The following RAP1GAP2 variants were observed in gnomAD, a reference collection of about 807,000 sequenced individuals.
RAP1GAP2 encodes rap1 GTPase-activating protein 2.
In RAP1GAP2, 27 loss-of-function variants were observed where a neutral mutation model predicts 95.0. That is an observed-to-expected ratio of 0.28 (90% CI 0.21 to 0.39). The LOEUF is 0.39. Among genes scored for constraint, RAP1GAP2 ranks in the 10% least tolerant of loss-of-function variants. RAP1GAP2 has a pLI of 1.00. For synonymous variants in RAP1GAP2, 373 were observed against 380.9 expected (o/e 0.98, Z 0.24); for missense variants, 771 against 970.0 (o/e 0.79, Z 2.72).
chr17:2,931,280 TTGTGTGTGTGTGTGTGTG>T (rs34690298), intron 3 of RAP1GAP2, among the ~76,000 whole-genome samples: 1 of 146,756 alleles, frequency 6.8e-6, no homozygotes, highest in Non-Finnish European at 1.5e-5. Flanking sequence ...TGAGTGTTTC[TTGTGTGTGTGTGTGTGTG>T]TGTGTGTGTG....
At chr17:2,989,444 C>T (rs1355304268) in intron 11 of RAP1GAP2, among the ~76,000 whole-genome samples, 1 of 152,024 alleles carries the variant, frequency 6.6e-6, no homozygotes, top group Non-Finnish European at 1.5e-5. Context: ...GCGATTCTCC[C>T]ACCTCAGCCT....
At chr17:2,988,444 T>C (rs1458964724) in intron 11 of RAP1GAP2, among the ~76,000 whole-genome samples, 1 of 152,226 alleles carries the variant, frequency 6.6e-6, no homozygotes, top group African/African-American at 2.4e-5. Flanking sequence ...AACATTGTTA[T>C]TTCAAAAATG....
At position 2,980,383 on chromosome 17, in the gene RAP1GAP2, G is replaced by A; in HGVS notation, c.675+18G>A. 1 of 1,611,846 alleles carries A rather than the reference G, an allele frequency of 6.2e-7. No individual in the cohort carries two copies. The highest frequency in any genetic ancestry group is 8.5e-7 in the Non-Finnish European group (1 of 1,178,016). On this transcript the variant is annotated intron_variant, in intron 9 of 24. Transcript: ENST00000254695. ...TTGCAAAGGTGAGAAACCAACCCGT[G>A]AGAGATGGTGGCTTCCTCTCTCAGC...
intron 3 of RAP1GAP2, among the ~76,000 whole-genome samples, chr17:2,957,359 C>T (rs542881054): frequency 2.3e-3 from 343 of 152,270 alleles, no homozygotes; most frequent in African/African-American, 7.4e-3. Flanking sequence ...GGGTGTGGAA[C>T]GCCGCTTGTG....
chr17:2,874,428 C>G (rs1424267230), intron 2 of RAP1GAP2, among the ~76,000 whole-genome samples: 1 of 152,128 alleles, frequency 6.6e-6, no homozygotes, highest in South Asian at 2.1e-4. Context: ...TCACCTGAGG[C>G]CCCGGGCTGA....
chr17:2,904,529 C>CGTGTGTGTGTGTGTGTGTGTGTGT lies in RAP1GAP2; in HGVS notation c.81-755_81-754insGTGTGTGTGTGTGTGTGTGTGTGT, dbSNP rs1400648500. Among the ~76,000 whole-genome samples the CGTGTGTGTGTGTGTGTGTGTGTGT allele has an allele frequency of 3.0e-5, 1 of 33,648 alleles. No individual in the cohort carries two copies. The highest frequency in any genetic ancestry group is 8.8e-5 in the Non-Finnish European group (1 of 11,420). 22.1% of individuals were successfully genotyped at this position (33,648 alleles called of 152,430 possible). A position where few individuals can be genotyped will look rare whatever the true frequency, so the allele number is the denominator to read the frequency against. On this transcript the variant is annotated intron_variant, in intron 2 of 24. Coordinates refer to ENST00000254695, the MANE Select transcript of RAP1GAP2 (RefSeq NM_015085.5). The surrounding 1 kb of genome is among the most constrained non-coding windows in gnomAD (Gnocchi z 4.7). ...CCCGAGGACAGCTTTTTGACCAGGG[C>CGTGTGTGTGTGTGTGTGTGTGTGT]CTGTGTGTGTGTGTGTGTGTGTGTG...
At chr17:2,945,803 T>A (rs1182352936) in intron 3 of RAP1GAP2, among the ~76,000 whole-genome samples, 6 of 152,126 alleles carry the variant, frequency 3.9e-5, no homozygotes, top group Non-Finnish European at 8.8e-5. Context: ...TATTATTATT[T>A]TTTTTGAGAC....
intron 8 of RAP1GAP2, among the ~76,000 whole-genome samples, chr17:2,970,419 G>T (rs749895750): frequency 2.4e-4 from 37 of 152,176 alleles, no homozygotes; most frequent in Admixed American, 7.2e-4. Flanking sequence ...AGATGAGATA[G>T]CTAGGTTAAA....
chr17:2,872,580 C>T (rs189984121), intron 2 of RAP1GAP2, among the ~76,000 whole-genome samples: 2 of 152,022 alleles, frequency 1.3e-5, no homozygotes, highest in South Asian at 4.2e-4. Context: ...TTTCTGTTAC[C>T]CGCAGTCATG....
chr17:2,836,855 G>C (rs1174215331), intron 2 of RAP1GAP2, among the ~76,000 whole-genome samples: 1 of 152,176 alleles, frequency 6.6e-6, no homozygotes, highest in Non-Finnish European at 1.5e-5. Context: ...TGATTAAGCT[G>C]CTTCCTTCTA....
intron 10 of RAP1GAP2, among the ~76,000 whole-genome samples, chr17:2,981,467 C>T (rs1390919683): frequency 1.3e-5 from 2 of 152,170 alleles, no homozygotes; most frequent in Non-Finnish European, 2.9e-5. Flanking sequence ...CTGAATTGGT[C>T]CCCAGGCTGC....
intron 3 of RAP1GAP2, 137 bp from the exon 4 acceptor site, chr17:2,957,622 T>C (rs2044166121): frequency 6.0e-6 from 6 of 1,008,136 alleles, no homozygotes; most frequent in Non-Finnish European, 8.8e-6. Flanking sequence ...TCAAATTATC[T>C]TCTCTGTTGA....
intron 8 of RAP1GAP2, among the ~76,000 whole-genome samples, chr17:2,970,134 C>T (rs113342654): frequency 4.0e-5 from 6 of 151,758 alleles, no homozygotes; most frequent in Admixed American, 2.0e-4. Context: ...ATTAGCCGGG[C>T]GTGGTGACAT....
At chr17:2,964,119 C>T (rs753342569) in intron 7 of RAP1GAP2, 51 bp downstream of exon 7, 231 of 1,487,000 alleles carry the variant, frequency 1.6e-4, no homozygotes, top group Non-Finnish European at 2.0e-4. Context: ...AGGCTGGGGA[C>T]GCTGGGAGAG....
At chr17:2,969,793 C>T (rs1308328649) in intron 8 of RAP1GAP2, among the ~76,000 whole-genome samples, 5 of 151,796 alleles carry the variant, frequency 3.3e-5, no homozygotes, top group African/African-American at 9.7e-5. Context: ...CGTGAGTCAC[C>T]GCGTCTGGCC....
intron 2 of RAP1GAP2, among the ~76,000 whole-genome samples, chr17:2,886,171 A>ATATAT (rs1172583026): frequency 2.4e-5 from 3 of 123,352 alleles, no homozygotes; most frequent in African/African-American, 6.4e-5. Context: ...GTATATATAT[A>ATATAT]TTTTTTTTTT....
intron 22 of RAP1GAP2, among the ~76,000 whole-genome samples, chr17:3,030,460 A>C (rs1024290640): frequency 1.3e-5 from 2 of 152,180 alleles, no homozygotes; most frequent in Admixed American, 1.3e-4. Flanking sequence ...AGCATGTACC[A>C]GTTTCTGTGG....
intron 2 of RAP1GAP2, among the ~76,000 whole-genome samples, chr17:2,889,291 C>T (rs535577924): frequency 2.0e-5 from 3 of 152,266 alleles, no homozygotes; most frequent in Non-Finnish European, 2.9e-5. Flanking sequence ...CCAGCTCAGC[C>T]GAGTCCTCCA....
chr17:3,032,256 A>C (rs2047344539), intron 23 of RAP1GAP2, among the ~76,000 whole-genome samples, 155 bp from the exon 24 acceptor site: 1 of 151,950 alleles, frequency 6.6e-6, no homozygotes, highest in South Asian at 2.1e-4. Flanking sequence ...CGAGAACTCC[A>C]GGTCCAGATG....
Sources: allele counts gnomAD v4.1 joint callset (sites outside exome capture counted in the v4.1 genomes callset), GRCh38; gene constraint gnomAD v4.1.1; non-coding constraint Gnocchi (gnomAD v3.1); transcripts MANE v1.5; gene names NCBI Gene and HGNC (gene_info 2026-07-23, HGNC 2026-07-21).